Variants in RTP3 observed in about 807,000 individuals in gnomAD.
RTP3 encodes receptor-transporting protein 3.
A neutral mutation model predicts 6.2 loss-of-function variants in RTP3; 2 were observed. The ratio of observed to expected loss-of-function variants is 0.32; its 90% CI spans 0.13 to 1.02. The LOEUF (loss-of-function observed/expected upper bound fraction) is 1.02. RTP3 is among the 50% of genes least tolerant of loss of function. The pLI is 0.47. For synonymous variants in RTP3, 106 were observed against 98.3 expected, an observed-to-expected ratio of 1.08 and a Z score of -0.47; for missense variants, 252 against 280.8, an observed-to-expected ratio of 0.90 and a Z score of 0.73.
intron 1 of RTP3, among the ~76,000 whole-genome samples, chr3:46,498,454 A>G (rs2106948277): frequency 6.6e-6 from 1 of 152,254 alleles, no homozygotes; most frequent in South Asian, 2.1e-4. Flanking sequence ...ATACAGAGAA[A>G]TCAGTCTGTG....
chr3:46,498,272 A>G, intron 1 of RTP3, 55 bp downstream of exon 1: 11 of 1,585,946 alleles, frequency 6.9e-6, no homozygotes, highest in Non-Finnish European at 9.5e-6. Flanking sequence ...ATTTCTTACT[A>G]GGTATACCTG....
At position 46,500,699 on chromosome 3, in the gene RTP3, C is replaced by T. The variant is rs1232652401; in HGVS notation, c.499C>T (p.Gln167Ter). The change falls in exon 2 of 2, where the codon CAG becomes TAG. Residue 167 changes from glutamine to a stop codon, truncating the protein, a stop_gained. Coordinates refer to ENST00000296142, the MANE Select transcript of RTP3 (RefSeq NM_031440.2). LOFTEE classifies it low-confidence loss of function (END_TRUNC). ...GCAGGGCTTCTGTGCTGGGCCCATA[C>T]AGGTTACAAGCCTCCCCCCATCTCA... ...CLQGFCAGPI[Q>*]VTSLPPSQTP... 6.2e-7 allele frequency: 1 copy of T among 1,613,738 alleles called. No individual in the cohort carries two copies. Among genetic ancestry groups the T allele is most frequent in the Non-Finnish European group, 8.5e-7 (1 of 1,179,844 alleles).
intron 1 of RTP3, among the ~76,000 whole-genome samples, chr3:46,498,732 A>G (rs1373293372): frequency 6.6e-6 from 1 of 152,208 alleles, no homozygotes; most frequent in Non-Finnish European, 1.5e-5. Context: ...CCTAAGCCTC[A>G]TCCTCTCTTT....
At position 46,500,535 on chromosome 3, in the gene RTP3, C is replaced by T. The variant is rs1703694714; in HGVS notation, c.335C>T (p.Ser112Leu). 22 of 1,614,190 alleles carry T rather than the reference C, an allele frequency of 1.4e-5. No homozygotes were observed. Among genetic ancestry groups the T allele is most frequent in the Non-Finnish European group, 1.7e-5 (20 of 1,180,040 alleles). ...EDPEFTQENI[S>L]RILKNLVFRI... ...CCTGAGTTCACACAAGAGAACATCT[C>T]AAGGATCCTGAAAAACCTGGTGTTC... The change falls in exon 2 of 2, where the codon TCA (serine) becomes TTA (leucine). Residue 112 changes from serine (S) to leucine (L), a missense_variant. Ser to Leu is a moderately radical substitution (Grantham distance 145). Coordinates refer to ENST00000296142, the MANE Select transcript of RTP3 (RefSeq NM_031440.2).
chr3:46,498,089 G>A lies in RTP3; in HGVS notation c.27G>A (p.Lys9=), dbSNP rs763072946. ...TGGCTGGGGACACAGAAGTGTGGAAGCAAATGTTTCAGGAGTTAATGCGGG... is the reference window on the plus strand; with the variant it reads ...TGGCTGGGGACACAGAAGTGTGGAAACAAATGTTTCAGGAGTTAATGCGGG... The part of the protein sequence containing the change: MAGDTEVW[K]QMFQELMREV... Residue 9 remains lysine, a synonymous_variant, in exon 1 of 2, where the codon AAG becomes AAA. Coordinates refer to ENST00000296142, the MANE Select transcript of RTP3 (RefSeq NM_031440.2). 7 of 1,614,206 alleles carry A rather than the reference G, an allele frequency of 4.3e-6. No homozygotes were observed. The highest frequency in any genetic ancestry group is 5.1e-6 in the Non-Finnish European group (6 of 1,180,042).
In RTP3 at chr3:46,500,694, C is replaced by A. The variant is rs1451962066; in HGVS notation, c.494C>A (p.Pro165His). 1 of 1,613,776 alleles carries A rather than the reference C, an allele frequency of 6.2e-7. No individual in the cohort carries two copies. The highest frequency in any genetic ancestry group is 1.1e-5 in the South Asian group (1 of 91,012). Residue 165 changes from proline (P) to histidine (H), a missense_variant, in exon 2 of 2, where the codon CCC (proline) becomes CAC (histidine). Pro to His is a moderately conservative substitution (Grantham distance 77). Coordinates refer to ENST00000296142, the MANE Select transcript of RTP3 (RefSeq NM_031440.2). ...TGTCTGCAGGGCTTCTGTGCTGGGC[C>A]CATACAGGTTACAAGCCTCCCCCCA... ...EACLQGFCAG[P>H]IQVTSLPPSQ...
At position 46,500,564 on chromosome 3, in the gene RTP3, A is replaced by T; in HGVS notation, c.364A>T (p.Ile122Phe). ...SRILKNLVFR[I>F]LKKCYRGRFQ... ...GATCCTGAAAAACCTGGTGTTCCGA[A>T]TTCTGAAGAAATGCTATAGAGGAAG... Residue 122 changes from isoleucine to phenylalanine, a missense_variant, in exon 2 of 2, where the codon ATT becomes TTT. Coordinates refer to ENST00000296142, the MANE Select transcript of RTP3 (RefSeq NM_031440.2). 6.2e-7 allele frequency: 1 copy of T among 1,614,250 alleles called. No homozygotes were observed. Among genetic ancestry groups the T allele is most frequent in the Non-Finnish European group, 8.5e-7 (1 of 1,180,044 alleles).
Position 46,498,570 on chromosome 3 carries a change from C to G in RTP3, c.155+353C>G, listed in dbSNP as rs560253321. ...TGCCTAGGGAGACTGCTGGACCCAC[C>G]TTGGAGCCCCTAGGAGGAGAGACTC... On this transcript the variant is annotated intron_variant, in intron 1 of 1. Transcript: ENST00000296142. Among the ~76,000 whole-genome samples the G allele has an allele frequency of 6.3e-4, 96 of 152,248 alleles. 1 individual carries two copies. The highest frequency in any genetic ancestry group is 2.1e-3 in the African/African-American group (88 of 41,554).
intron 1 of RTP3, 66 bp from the exon 2 acceptor site, chr3:46,500,290 C>G: frequency 6.6e-7 from 1 of 1,510,362 alleles, no homozygotes; most frequent in Non-Finnish European, 8.9e-7. Flanking sequence ...GCTCCTTTCT[C>G]TCTCTGGCAG....
chr3:46,498,665 G>A (rs1326501982), intron 1 of RTP3, among the ~76,000 whole-genome samples: 1 of 152,186 alleles, frequency 6.6e-6, no homozygotes. Flanking sequence ...CAGCAATCCT[G>A]CCCCTCTCTA....
chr3:46,498,488 G>A (rs1184556597), intron 1 of RTP3, among the ~76,000 whole-genome samples: 3 of 152,178 alleles, frequency 2.0e-5, no homozygotes, highest in Non-Finnish European at 4.4e-5. Context: ...GGAGCAGCCA[G>A]GAAAGGGGAG....
rs1703669584 is a variant in RTP3 at position 46,498,206 on chromosome 3, G to A, written c.144G>A (p.Trp48Ter). Reference sequence around the variant, plus strand: ...CAGGCTGGATGCAATACCAGCAGTGGACCTTCGCCAGGTGAGGGGGAATGT... The same window carrying A: ...CAGGCTGGATGCAATACCAGCAGTGAACCTTCGCCAGGTGAGGGGGAATGT... The part of the protein sequence containing the change: ...LKPGWMQYQQ[W>*]TFARFQCSSC... The change falls in exon 1 of 2, where the codon TGG (tryptophan) becomes TGA (stop). Residue 48 changes from tryptophan (W) to a stop codon, truncating the protein, a stop_gained. Transcript: ENST00000296142. LOFTEE classifies it low-confidence loss of function (END_TRUNC). 1 of 1,614,094 alleles carries A rather than the reference G, an allele frequency of 6.2e-7. No individual in the cohort carries two copies. Among genetic ancestry groups the A allele is most frequent in the Admixed American group, 1.7e-5 (1 of 60,012 alleles).
intron 1 of RTP3, among the ~76,000 whole-genome samples, chr3:46,498,529 C>T (rs984053162): frequency 9.5e-4 from 145 of 152,250 alleles, no homozygotes; most frequent in African/African-American, 3.1e-3. Flanking sequence ...CACCCACGGG[C>T]GGTGCATGTG....
intron 1 of RTP3, among the ~76,000 whole-genome samples, chr3:46,499,156 C>T (rs766954949): frequency 6.6e-6 from 1 of 152,238 alleles, no homozygotes; most frequent in Non-Finnish European, 1.5e-5. Flanking sequence ...AGTCAAGATA[C>T]AGGAGCACAC....
At chr3:46,499,700 G>A (rs968886563) in intron 1 of RTP3, among the ~76,000 whole-genome samples, 6 of 152,130 alleles carry the variant, frequency 3.9e-5, no homozygotes, top group Admixed American at 2.0e-4. Context: ...AGTTTTCCAG[G>A]CTACCTTGAG....
chr3:46,500,473 G>C lies in RTP3; in HGVS notation c.273G>C (p.Gln91His). The change falls in exon 2 of 2, where the codon CAG (glutamine) becomes CAC (histidine). Residue 91 changes from glutamine to histidine, a missense_variant. Transcript: ENST00000296142. ...AGGTGAAGATGAGGGTGTTTACCCA[G>C]AGATGTAAGAAGTGCCCCCAACCTC... Reference protein sequence around the residue: ...RGQVKMRVFTQRCKKCPQPLF... With the variant: ...RGQVKMRVFTHRCKKCPQPLF... 6.2e-7 allele frequency: 1 copy of C among 1,614,218 alleles called. No homozygotes were observed. The highest frequency in any genetic ancestry group is 8.5e-7 in the Non-Finnish European group (1 of 1,180,034).
intron 1 of RTP3, among the ~76,000 whole-genome samples, chr3:46,499,447 TG>T (rs985716544): frequency 6.6e-6 from 1 of 152,336 alleles, no homozygotes; most frequent in South Asian, 2.1e-4. Context: ...GCAAAGGGGC[TG>T]GGAAGTGGGA....
At chr3:46,499,297 G>T (rs1012835019) in intron 1 of RTP3, among the ~76,000 whole-genome samples, 7 of 152,178 alleles carry the variant, frequency 4.6e-5, no homozygotes, top group Admixed American at 2.6e-4. Context: ...AACCTTACAC[G>T]TGGCTCCCAA....
At chr3:46,498,286 C>T in intron 1 of RTP3, 69 bp downstream of exon 1, 7 of 1,548,870 alleles carry the variant, frequency 4.5e-6, no homozygotes, top group Non-Finnish European at 6.2e-6. Flanking sequence ...ATACCTGTTA[C>T]TTTTCTTGTT....
Sources: gnomAD v4.1 joint callset for allele counts (sites outside exome capture counted in the v4.1 genomes callset) on GRCh38, gnomAD v4.1.1 for gene constraint, MANE v1.5 for transcripts, NCBI Gene and HGNC (gene_info 2026-07-23, HGNC 2026-07-21) for gene names.